Variants in LPP observed in about 807,000 individuals in gnomAD.
LPP encodes the protein LIM domain containing preferred translocation partner in lipoma.
Under a neutral mutation model 60.4 loss-of-function variants are expected in LPP, and 38 were observed. The ratio of observed to expected loss-of-function variants is 0.63; its 90% confidence interval spans 0.49 to 0.83. LPP has a LOEUF of 0.83. LPP is among the 40% of genes least tolerant of loss of function. LPP has a pLI of 0.00. For synonymous variants in LPP, 328 were observed against 290.8 expected (o/e 1.13, Z -1.30); for missense variants, 902 against 783.6 (o/e 1.15, Z -1.80).
In LPP at chr3:188,406,169, G is replaced by C. The variant is rs139718801; in HGVS notation, c.49G>C (p.Gly17Arg). The C allele has an allele frequency of 6.2e-7, 1 of 1,614,004 alleles. No homozygotes were observed. The highest frequency in any genetic ancestry group is 1.1e-5 in the South Asian group (1 of 91,070). ...LPPKSTGEPLGHVPARMETTH... is the reference protein window; with the variant it reads ...LPPKSTGEPLRHVPARMETTH... ...ACCCAAAAGCACTGGTGAGCCCCTC[G>C]GCCATGTGCCTGCACGGATGGAGAC... The change falls in exon 4 of 12, where the codon GGC (glycine) becomes CGC (arginine). Residue 17 changes from glycine to arginine, a missense_variant. Transcript: ENST00000617246.
intron 5 of LPP, 88 bp downstream of exon 5, chr3:188,484,792 G>A: frequency 1.0e-6 from 1 of 972,990 alleles, no homozygotes; most frequent in East Asian, 2.4e-5. Context: ...TGAATTTCAT[G>A]AGTGTTTCTG....
At chr3:188,292,616 C>G (rs955456366) in intron 2 of LPP, among the ~76,000 whole-genome samples, 3 of 152,202 alleles carry the variant, frequency 2.0e-5, no homozygotes, top group Non-Finnish European at 4.4e-5. Flanking sequence ...CTCTTACACA[C>G]ATGGTACCCA....
At chr3:188,435,034 C>T (rs904964034) in intron 4 of LPP, among the ~76,000 whole-genome samples, 1 of 152,112 alleles carries the variant, frequency 6.6e-6, no homozygotes, top group Non-Finnish European at 1.5e-5. Flanking sequence ...CACATATAAA[C>T]ATAATTCGAA....
chr3:188,274,037 C>A (rs1354519091), intron 2 of LPP, among the ~76,000 whole-genome samples: 3 of 152,082 alleles, frequency 2.0e-5, no homozygotes, highest in Non-Finnish European at 4.4e-5. Context: ...GAAAAGTAAA[C>A]CCTTCTCTTA....
chr3:188,215,279 C>T (rs1036564855), intron 1 of LPP, among the ~76,000 whole-genome samples: 1 of 151,726 alleles, frequency 6.6e-6, no homozygotes, highest in African/African-American at 2.4e-5. Context: ...GCACTTTAAC[C>T]TGGATGACAG....
Position 188,736,430 on chromosome 3 carries a change from TA to T in LPP, c.1241-23675del, listed in dbSNP as rs535152025. ...GATAAATACAAATGGATATTTAACT[TA>T]AAAAAAATTTTATTCACATTAGTAT... On this transcript the variant is annotated intron_variant, in intron 8 of 11. Transcript: ENST00000617246. Among the ~76,000 whole-genome samples the T allele has an allele frequency of 3.6e-3, 551 of 152,088 alleles. 3 individuals are homozygous for T. The highest frequency in any genetic ancestry group is 0.012 in the African/African-American group (481 of 41,516).
At chr3:188,459,777 A>G (rs1183300781) in intron 4 of LPP, among the ~76,000 whole-genome samples, 1 of 152,154 alleles carries the variant, frequency 6.6e-6, no homozygotes, top group African/African-American at 2.4e-5. Context: ...TCTGATTATT[A>G]TCAATAGAAT....
intron 3 of LPP, among the ~76,000 whole-genome samples, chr3:188,346,724 A>G (rs577509504): frequency 4.6e-5 from 7 of 152,340 alleles, no homozygotes; most frequent in African/African-American, 1.7e-4. Context: ...TGCTATCAAC[A>G]AGTTTAGGAG....
chr3:188,509,879 T>TG (rs1284965676), intron 5 of LPP, among the ~76,000 whole-genome samples: 2 of 144,920 alleles, frequency 1.4e-5, no homozygotes, highest in Non-Finnish European at 3.0e-5. Flanking sequence ...TGTTGTTTTT[T>TG]TTTTTTTTTT....
At chr3:188,766,296 C>T (rs1437019069) in intron 9 of LPP, among the ~76,000 whole-genome samples, 2 of 146,882 alleles carry the variant, frequency 1.4e-5, no homozygotes, top group Non-Finnish European at 3.0e-5. Flanking sequence ...TTTCCAGTAT[C>T]ACAGAACCTG....
intron 4 of LPP, among the ~76,000 whole-genome samples, chr3:188,467,235 T>A (rs1192657086): frequency 1.3e-5 from 2 of 152,052 alleles, no homozygotes. Flanking sequence ...AGCAAGATTA[T>A]AGTTACAAAA....
intron 4 of LPP, among the ~76,000 whole-genome samples, chr3:188,465,911 G>A (rs529372014): frequency 6.6e-6 from 1 of 152,276 alleles, no homozygotes; most frequent in African/African-American, 2.4e-5. Context: ...CAGTTATCAA[G>A]GGCCAAGTCA....
Position 188,887,887 on chromosome 3 carries a change from T to C in LPP, c.*13408T>C, listed in dbSNP as rs1375432441. ...TGATGAGCAAATTATCCAAGACTCA[T>C]TTCTTTATTAGGCAAAGTCAGAATA... On this transcript the variant is annotated 3_prime_UTR_variant, in exon 12 of 12. Transcript: ENST00000617246. 1 of 210,972 alleles carries C rather than the reference T, an allele frequency of 4.7e-6. No homozygotes were observed. The highest frequency in any genetic ancestry group is 9.6e-6 in the Non-Finnish European group (1 of 104,028). 13.1% of individuals were successfully genotyped at this position (210,972 alleles called of 1,614,324 possible). A position where few individuals can be genotyped will look rare whatever the true frequency, so the allele number is the denominator to read the frequency against.
chr3:188,643,168 C>T (rs1443632221), intron 7 of LPP, among the ~76,000 whole-genome samples: 2 of 152,062 alleles, frequency 1.3e-5, no homozygotes, highest in African/African-American at 4.8e-5. Flanking sequence ...TATTCTAGCC[C>T]AGACATTTTA....
chr3:188,862,748 G>GA (rs1765558694), intron 9 of LPP, among the ~76,000 whole-genome samples: 1 of 106,274 alleles, frequency 9.4e-6, no homozygotes, highest in East Asian at 4.3e-4. Flanking sequence ...AAAGAAAAAA[G>GA]AAAAGAAAGA....
intron 2 of LPP, among the ~76,000 whole-genome samples, chr3:188,297,383 G>A (rs990261844): frequency 6.6e-6 from 1 of 152,146 alleles, no homozygotes; most frequent in African/African-American, 2.4e-5. Context: ...ATTCCAAGGG[G>A]TAAAGACATA....
At chr3:188,756,908 C>T (rs1730451222) in intron 8 of LPP, among the ~76,000 whole-genome samples, 2 of 152,184 alleles carry the variant, frequency 1.3e-5, no homozygotes, top group African/African-American at 4.8e-5. Flanking sequence ...CAATACAGTC[C>T]ATCTGTTTTC....
chr3:188,592,546 G>GTTTTGTTTTTTTTTTTT (rs1560607252), intron 6 of LPP, among the ~76,000 whole-genome samples: 1 of 98,376 alleles, frequency 1.0e-5, no homozygotes, highest in African/African-American at 3.4e-5. Context: ...ACTGTTTTTA[G>GTTTTGTTTTTTTTTTTT]TTTTGTTTTT....
chr3:188,840,858 C>G (rs1411296654), intron 9 of LPP, among the ~76,000 whole-genome samples: 1 of 152,180 alleles, frequency 6.6e-6, no homozygotes, highest in Non-Finnish European at 1.5e-5. Flanking sequence ...TTTTCCACCT[C>G]TAGCCTTGTT....
Sources: allele counts gnomAD v4.1 joint callset (sites outside exome capture counted in the v4.1 genomes callset), GRCh38; gene constraint gnomAD v4.1.1; transcripts MANE v1.5; gene names NCBI Gene and HGNC (gene_info 2026-07-23, HGNC 2026-07-21).